Variants in KCTD8 observed in about 807,000 individuals in gnomAD.
KCTD8 encodes the protein potassium channel tetramerization domain containing 8.
KCTD8 carries 27 observed loss-of-function variants against 31.5 expected under a neutral mutation model. The ratio of observed to expected loss-of-function variants is 0.86; its 90% CI spans 0.63 to 1.18. The LOEUF is 1.18. Ranked by LOEUF, KCTD8 falls within the 50% of genes most tolerant of loss-of-function variation. KCTD8 has a pLI of 0.00. For missense variants in KCTD8, 658 were observed against 647.7 expected (o/e 1.02, Z -0.17); for synonymous variants, 290 against 280.0 (o/e 1.04, Z -0.36).
At chr4:44,297,303 T>C (rs1178753790) in intron 1 of KCTD8, among the ~76,000 whole-genome samples, 4 of 152,124 alleles carry the variant, frequency 2.6e-5, no homozygotes, top group African/African-American at 7.2e-5. Flanking sequence ...AAAATTGTAA[T>C]TGCTTTGCAA....
chr4:44,230,195 A>G (rs991521032), intron 1 of KCTD8, among the ~76,000 whole-genome samples: 1 of 152,206 alleles, frequency 6.6e-6, no homozygotes, highest in Non-Finnish European at 1.5e-5. Context: ...TTCCACCAGT[A>G]ATGCACCTAG....
chr4:44,258,338 AAATT>A (rs900447118), intron 1 of KCTD8, among the ~76,000 whole-genome samples: 1 of 151,962 alleles, frequency 6.6e-6, no homozygotes, highest in African/African-American at 2.4e-5. Context: ...ATACTAGAAA[AAATT>A]AAATTATATT....
intron 1 of KCTD8, among the ~76,000 whole-genome samples, chr4:44,443,990 T>C (rs1052541968): frequency 6.6e-5 from 10 of 152,158 alleles, no homozygotes; most frequent in African/African-American, 2.4e-4. Context: ...CCATCTTCAG[T>C]ATTAGAAGAA....
At chr4:44,327,797 T>C (rs933740169) in intron 1 of KCTD8, among the ~76,000 whole-genome samples, 6 of 151,814 alleles carry the variant, frequency 4.0e-5, no homozygotes, top group Admixed American at 1.3e-4. Context: ...GGCATAAAAA[T>C]GAAGTAGATC....
intron 1 of KCTD8, among the ~76,000 whole-genome samples, chr4:44,408,057 A>C: frequency 6.6e-6 from 1 of 152,180 alleles, no homozygotes; most frequent in African/African-American, 2.4e-5. Context: ...AGATTGGGGA[A>C]CTATATATCC....
chr4:44,204,813 T>C (rs1338262761), intron 1 of KCTD8, among the ~76,000 whole-genome samples: 2 of 151,968 alleles, frequency 1.3e-5, no homozygotes, highest in Non-Finnish European at 2.9e-5. Flanking sequence ...ACTATAAATA[T>C]AGGGAACAAA....
At chr4:44,240,948 C>G (rs955098620) in intron 1 of KCTD8, among the ~76,000 whole-genome samples, 8 of 152,194 alleles carry the variant, frequency 5.3e-5, no homozygotes, top group Non-Finnish European at 1.2e-4. Flanking sequence ...GGTCCTCAAC[C>G]TTTGTTTCCT....
chr4:44,187,734 G>C (rs559814544), intron 1 of KCTD8, among the ~76,000 whole-genome samples: 114 of 152,208 alleles, frequency 7.5e-4, no homozygotes, highest in African/African-American at 2.7e-3. Flanking sequence ...ATGAGATGTT[G>C]TCTCTACAAC....
rs149973771 is a variant in KCTD8, at chr4:44,278,499, A to T, written c.962-103249T>A. On this transcript the variant is annotated intron_variant, in intron 1 of 1. Transcript: ENST00000360029. Reference sequence around the variant, plus strand: ...ATATTGCTTAAAAGGGCAATGGTGAAAAATGAAGGGAGCAGCACATTTGTA... The same window carrying T: ...ATATTGCTTAAAAGGGCAATGGTGATAAATGAAGGGAGCAGCACATTTGTA... Among the ~76,000 whole-genome samples the T allele has an allele frequency of 6.5e-4, 99 of 152,190 alleles. 1 individual carries two copies. Among genetic ancestry groups the T allele is most frequent in the African/African-American group, 2.2e-3 (93 of 41,562 alleles).
intron 1 of KCTD8, among the ~76,000 whole-genome samples, chr4:44,365,410 TAAAG>T (rs1658527888): frequency 6.6e-6 from 1 of 152,072 alleles, no homozygotes; most frequent in South Asian, 2.1e-4. Context: ...TCAATGTGTA[TAAAG>T]AAAGGGTATG....
chr4:44,375,948 C>G (rs1431278349), intron 1 of KCTD8, among the ~76,000 whole-genome samples: 1 of 152,084 alleles, frequency 6.6e-6, no homozygotes, highest in Non-Finnish European at 1.5e-5. Context: ...GTCTCTCTCT[C>G]TACTCCTTAC....
At chr4:44,286,804 GAGGGATTGAAT>G (rs769708254) in intron 1 of KCTD8, among the ~76,000 whole-genome samples, 15 of 152,120 alleles carry the variant, frequency 9.9e-5, no homozygotes, top group Admixed American at 2.0e-4. Flanking sequence ...TAAAAAAATA[GAGGGATTGAAT>G]AGGAGGTATT....
At chr4:44,245,330 CACCATACTCA>C (rs1715625936) in intron 1 of KCTD8, among the ~76,000 whole-genome samples, 1 of 151,924 alleles carries the variant, frequency 6.6e-6, no homozygotes, top group African/African-American at 2.4e-5. Context: ...AAGCAGAAAA[CACCATACTCA>C]AAAGAGACTA....
intron 1 of KCTD8, among the ~76,000 whole-genome samples, chr4:44,284,314 A>AAATAACACC (rs1444925111): frequency 6.6e-6 from 1 of 152,166 alleles, no homozygotes; most frequent in Non-Finnish European, 1.5e-5. Flanking sequence ...GAAGCCTCAG[A>AAATAACACC]AATAACACCA....
chr4:44,310,287 C>T (rs1469200382), intron 1 of KCTD8, among the ~76,000 whole-genome samples: 1 of 151,970 alleles, frequency 6.6e-6, no homozygotes, highest in African/African-American at 2.4e-5. Context: ...TAATTTTGAA[C>T]ATAGAAACAG....
intron 1 of KCTD8, among the ~76,000 whole-genome samples, chr4:44,190,911 T>C (rs543350359): frequency 1.3e-5 from 2 of 152,238 alleles, no homozygotes; most frequent in Non-Finnish European, 2.9e-5. Context: ...TTTTATTAGA[T>C]GCAAATACCC....
At chr4:44,235,500 T>C (rs1344978659) in intron 1 of KCTD8, among the ~76,000 whole-genome samples, 2 of 130,700 alleles carry the variant, frequency 1.5e-5, no homozygotes, top group Non-Finnish European at 3.3e-5. Flanking sequence ...ATTTTACCCA[T>C]GTATACAGAA....
intron 1 of KCTD8, among the ~76,000 whole-genome samples, chr4:44,320,853 C>T (rs1004098304): frequency 6.7e-6 from 1 of 148,784 alleles, no homozygotes; most frequent in Non-Finnish European, 1.5e-5. Flanking sequence ...ATTAATACCT[C>T]CTCTTTGCTA....
rs78647644 is a variant in KCTD8 at position 44,272,785 on chromosome 4, A to C, written c.962-97535T>G. Among the ~76,000 whole-genome samples, 555 of 152,208 alleles carry C rather than the reference A, an allele frequency of 3.6e-3. 5 individuals carry two copies. Among genetic ancestry groups the C allele is most frequent in the African/African-American group, 0.013 (533 of 41,546 alleles). ...GAGACAGGGAGGGTCTCTGCTCTCA[A>C]ACACACATATCACTGGAACTACTGA... On this transcript the variant is annotated intron_variant, in intron 1 of 1. Transcript: ENST00000360029.
Sources: gnomAD v4.1 joint callset for allele counts (sites outside exome capture counted in the v4.1 genomes callset) on GRCh38, gnomAD v4.1.1 for gene constraint, MANE v1.5 for transcripts, NCBI Gene and HGNC (gene_info 2026-07-23, HGNC 2026-07-21) for gene names.